ST18: variants seen among roughly 807,000 people sequenced by gnomAD.
The protein encoded by ST18 is ST18 C2H2C-type zinc finger transcription factor, also known as suppression of tumorigenicity 18 protein.
Under a neutral mutation model 110.0 loss-of-function variants are expected in ST18, and 50 were observed. That is an observed-to-expected ratio of 0.45 (90% CI 0.36 to 0.58). ST18 has a LOEUF of 0.58. ST18 is among the 20% of genes least tolerant of loss of function. ST18 has a pLI of 0.00. For missense variants in ST18, 1,306 were observed against 1,280.1 expected (o/e 1.02, Z -0.31); for synonymous variants, 461 against 452.4 (o/e 1.02, Z -0.24).
At chr8:52,253,111 A>G (rs2094395232) in intron 2 of ST18, among the ~76,000 whole-genome samples, 1 of 151,848 alleles carries the variant, frequency 6.6e-6, no homozygotes, top group Admixed American at 6.6e-5. Flanking sequence ...TTTTCTGACA[A>G]TTAGCTACTT....
chr8:52,275,202 A>C (rs890482154), intron 2 of ST18, among the ~76,000 whole-genome samples: 4 of 152,206 alleles, frequency 2.6e-5, no homozygotes, highest in Non-Finnish European at 5.9e-5. Flanking sequence ...GCAAAAACTA[A>C]AAATAAACCT....
chr8:52,272,799 TG>T (rs1239095290), intron 2 of ST18, among the ~76,000 whole-genome samples: 1 of 152,174 alleles, frequency 6.6e-6, no homozygotes, highest in Non-Finnish European at 1.5e-5. Context: ...AGTTAAGATG[TG>T]AAAACAACCT....
intron 2 of ST18, among the ~76,000 whole-genome samples, chr8:52,390,217 G>GT (rs962971279): frequency 4.6e-5 from 7 of 152,302 alleles, no homozygotes; most frequent in African/African-American, 1.7e-4. Context: ...CAGCTTCAGA[G>GT]TGGCACACCT....
intron 2 of ST18, among the ~76,000 whole-genome samples, chr8:52,386,093 C>T (rs556802053): frequency 6.6e-6 from 1 of 152,292 alleles, no homozygotes; most frequent in African/African-American, 2.4e-5. Context: ...TGATTGTCTC[C>T]TTCATCACAG....
intron 8 of ST18, among the ~76,000 whole-genome samples, chr8:52,182,830 A>AT (rs753919635): frequency 4.9e-4 from 74 of 152,186 alleles, no homozygotes; most frequent in Non-Finnish European, 8.5e-4. Context: ...GAGGAGATTT[A>AT]TTTTTTGGCA....
chr8:52,253,169 CT>C (rs2094397727), intron 2 of ST18, among the ~76,000 whole-genome samples: 1 of 152,026 alleles, frequency 6.6e-6, no homozygotes, highest in Admixed American at 6.6e-5. Context: ...CATACTTCGA[CT>C]GCTGACTGCC....
At chr8:52,172,905 G>T (rs2065511802) in intron 9 of ST18, among the ~76,000 whole-genome samples, 2 of 152,152 alleles carry the variant, frequency 1.3e-5, no homozygotes, top group Non-Finnish European at 2.9e-5. Flanking sequence ...ACAAGAAGTA[G>T]ATACTTAACA....
intron 2 of ST18, among the ~76,000 whole-genome samples, chr8:52,301,514 A>G (rs1366938154): frequency 6.6e-6 from 1 of 152,216 alleles, no homozygotes; most frequent in Admixed American, 6.5e-5. Flanking sequence ...AAAATTCAAC[A>G]TTCTTGATAA....
At chr8:52,312,546 C>A (rs968358598) in intron 2 of ST18, among the ~76,000 whole-genome samples, 1 of 152,182 alleles carries the variant, frequency 6.6e-6, no homozygotes, top group Non-Finnish European at 1.5e-5. Context: ...AAGGATCCAG[C>A]TGAAACCAGA....
At chr8:52,238,148 C>G (rs952576526) in intron 2 of ST18, among the ~76,000 whole-genome samples, 1 of 152,152 alleles carries the variant, frequency 6.6e-6, no homozygotes, top group African/African-American at 2.4e-5. Context: ...TGAAAAATAG[C>G]TGGCAATTTC....
chr8:52,350,786 T>G (rs1819948847), intron 2 of ST18, among the ~76,000 whole-genome samples: 1 of 151,846 alleles, frequency 6.6e-6, no homozygotes, highest in Non-Finnish European at 1.5e-5. Context: ...AGTGGCCCAA[T>G]CTTGGCTCAC....
intron 8 of ST18, among the ~76,000 whole-genome samples, chr8:52,187,215 G>A (rs1292197905): frequency 6.6e-6 from 1 of 152,182 alleles, no homozygotes; most frequent in Non-Finnish European, 1.5e-5. Context: ...AAGATTTAGT[G>A]AGTACTTGCA....
intron 2 of ST18, chr8:52,408,862 G>A (rs1261842778): frequency 1.3e-5 from 2 of 152,204 alleles, no homozygotes; most frequent in African/African-American, 4.8e-5. Flanking sequence ...AGCATTCAAC[G>A]TGTCTTCATA....
intron 2 of ST18, among the ~76,000 whole-genome samples, chr8:52,350,781 C>G (rs1819946464): frequency 6.6e-6 from 1 of 151,540 alleles, no homozygotes; most frequent in Non-Finnish European, 1.5e-5. Flanking sequence ...AGTGCAGTGG[C>G]CCAATCTTGG....
intron 2 of ST18, among the ~76,000 whole-genome samples, chr8:52,366,428 C>T (rs1460321996): frequency 6.6e-6 from 1 of 152,204 alleles, no homozygotes; most frequent in Admixed American, 6.5e-5. Flanking sequence ...GATCTGGCCC[C>T]TGTCTGTCTT....
In ST18 at chr8:52,334,687, T is replaced by C. The variant is rs564525947; in HGVS notation, c.-465+74641A>G. Among the ~76,000 whole-genome samples, 3 of 151,526 alleles carry C rather than the reference T, an allele frequency of 2.0e-5. No homozygotes were observed. The East Asian group carries it at 5.8e-4, about 29-fold the overall frequency. On this transcript the variant is annotated intron_variant, in intron 2 of 25. Transcript: ENST00000689386. ...TGCCCAAAAATCAAGCTAAATGGTATGTCTTCCAAAGGGAACTGTGAAAAA... is the reference window on the plus strand; with the variant it reads ...TGCCCAAAAATCAAGCTAAATGGTACGTCTTCCAAAGGGAACTGTGAAAAA...
intron 2 of ST18, among the ~76,000 whole-genome samples, chr8:52,315,230 C>T (rs1488514356): frequency 6.6e-6 from 1 of 152,176 alleles, no homozygotes; most frequent in African/African-American, 2.4e-5. Flanking sequence ...CAAGGCTTTG[C>T]CGTATTTCCA....
intron 2 of ST18, among the ~76,000 whole-genome samples, chr8:52,388,856 C>G (rs868651206): frequency 1.4e-5 from 2 of 147,924 alleles, no homozygotes; most frequent in African/African-American, 5.0e-5. Flanking sequence ...AGGAGATATA[C>G]CTAATGCTAA....
intron 2 of ST18, among the ~76,000 whole-genome samples, chr8:52,400,608 G>A (rs1277171792): frequency 6.6e-6 from 1 of 151,764 alleles, no homozygotes; most frequent in Non-Finnish European, 1.5e-5. Flanking sequence ...TTTGCTTTGT[G>A]TACCATGGGG....
Sources: allele counts gnomAD v4.1 joint callset (sites outside exome capture counted in the v4.1 genomes callset), GRCh38; gene constraint gnomAD v4.1.1; transcripts MANE v1.5; gene names NCBI Gene and HGNC (gene_info 2026-07-23, HGNC 2026-07-21).